GABRA3: variants seen among roughly 807,000 people sequenced by gnomAD.
GABRA3 encodes gamma-aminobutyric acid type A receptor subunit alpha3, also known as gamma-aminobutyric acid receptor subunit alpha-3.
Under a neutral mutation model 30.1 loss-of-function variants are expected in GABRA3, and 10 were observed. The observed-to-expected ratio is 0.33, with a 90% CI of 0.20 to 0.56. GABRA3 has a LOEUF of 0.56. Ranked by LOEUF, GABRA3 falls within the 20% of genes least tolerant of loss-of-function variation. The pLI is 0.89. For missense variants in GABRA3, 233 were observed against 392.0 expected (o/e 0.59, Z 3.42); for synonymous variants, 151 against 146.8 (o/e 1.03, Z -0.21).
chrX:152,341,001 T>C (rs76381808), intron 3 of GABRA3, among the ~76,000 whole-genome samples: 2,343 of 111,389 alleles, frequency 0.021, 52 homozygotes, highest in East Asian at 0.12. Flanking sequence ...ACCCAATATG[T>C]ACTTTTTTAT....
At chrX:152,291,056 T>C (rs1397474890) in intron 3 of GABRA3, among the ~76,000 whole-genome samples, 1 of 111,840 alleles carries the variant, frequency 8.9e-6, no homozygotes, top group African/African-American at 3.3e-5. Context: ...GTGAAGAAAG[T>C]CATTGGTAAC....
At chrX:152,204,418 G>A (rs1207501319) in intron 7 of GABRA3, among the ~76,000 whole-genome samples, 1 of 111,125 alleles carries the variant, frequency 9.0e-6, no homozygotes, top group Non-Finnish European at 1.9e-5. Flanking sequence ...GAAAGGGAGT[G>A]ATCCATGTAG....
At position 152,197,814 on chromosome X, in the gene GABRA3, G is replaced by A. The variant is rs777560852; in HGVS notation, c.779-29C>T. 4 of 1,131,405 alleles carry A rather than the reference G, an allele frequency of 3.5e-6. No individual in the cohort carries two copies. In the Admixed American group the frequency reaches 6.9e-5, roughly 19 times the overall value. The allele number at this position is 1,131,405 out of a possible 1,213,427, so 93.2% of individuals were successfully genotyped here. A position where few individuals can be genotyped will look rare whatever the true frequency, so the allele number is the denominator to read the frequency against. The stretch of plus-strand genomic sequence containing the variant: ...AAGAGAGAGTAAAATTAGGCAGTAT[G>A]TAGCTACATAAACATTGCTAAATCA... On this transcript the variant is annotated intron_variant, in intron 7 of 9. Transcript: ENST00000370314.
At chrX:152,237,374 T>G (rs1938245481) in intron 5 of GABRA3, among the ~76,000 whole-genome samples, 1 of 106,860 alleles carries the variant, frequency 9.4e-6, no homozygotes, top group African/African-American at 3.5e-5. Flanking sequence ...TTGGTACCAG[T>G]ACCATGCTGT....
intron 4 of GABRA3, among the ~76,000 whole-genome samples, chrX:152,283,048 C>T (rs1222995581): frequency 1.8e-5 from 2 of 111,393 alleles, no homozygotes; most frequent in African/African-American, 3.3e-5. Flanking sequence ...GCTGTGAGAT[C>T]TCTGAATATA....
chrX:152,230,597 T>G (rs761438461), intron 5 of GABRA3, among the ~76,000 whole-genome samples: 1 of 111,121 alleles, frequency 9.0e-6, no homozygotes, highest in East Asian at 2.8e-4. Context: ...GGTGCAGTTT[T>G]GGCCTAAATA....
At chrX:152,215,634 A>C (rs919630408) in intron 6 of GABRA3, among the ~76,000 whole-genome samples, 13 of 111,531 alleles carry the variant, frequency 1.2e-4, no homozygotes, top group African/African-American at 4.2e-4. Context: ...ACCCAATGCT[A>C]TAAAATTACT....
intron 6 of GABRA3, among the ~76,000 whole-genome samples, chrX:152,224,024 G>A (rs1603215858): frequency 9.0e-6 from 1 of 111,542 alleles, no homozygotes; most frequent in Middle Eastern, 4.6e-3. Context: ...ACTAATGATT[G>A]AGGAAACATG....
intron 5 of GABRA3, among the ~76,000 whole-genome samples, chrX:152,239,365 G>T (rs1174202335): frequency 9.5e-6 from 1 of 105,779 alleles, no homozygotes; most frequent in Non-Finnish European, 1.9e-5. Flanking sequence ...GAGATAGTTT[G>T]TTATCATTTC....
chrX:152,207,871 T>C, intron 7 of GABRA3, 130 bp downstream of exon 7: 1 of 649,136 alleles, frequency 1.5e-6, no homozygotes, highest in Admixed American at 3.7e-5. Context: ...ATATACTCAG[T>C]TTTCTCATGA....
intron 1 of GABRA3, among the ~76,000 whole-genome samples, chrX:152,445,521 G>T (rs1423398209): frequency 9.0e-6 from 1 of 111,275 alleles, no homozygotes; most frequent in Non-Finnish European, 1.9e-5. Flanking sequence ...AAAATGGAAG[G>T]TGCATTTCAA....
chrX:152,278,621 A>C (rs1939137130), intron 4 of GABRA3, among the ~76,000 whole-genome samples: 1 of 111,364 alleles, frequency 9.0e-6, no homozygotes, highest in South Asian at 3.8e-4. Flanking sequence ...TTGGGTATAT[A>C]CCCAGTAATG....
At chrX:152,450,154 C>A (rs1306501921) in intron 1 of GABRA3, among the ~76,000 whole-genome samples, 2 of 110,539 alleles carry the variant, frequency 1.8e-5, no homozygotes, top group Non-Finnish European at 3.8e-5. Context: ...CCAGAACTTG[C>A]TGACTCTCAA....
chrX:152,414,426 C>T (rs998732509), intron 1 of GABRA3, among the ~76,000 whole-genome samples: 1 of 110,981 alleles, frequency 9.0e-6, no homozygotes, highest in Non-Finnish European at 1.9e-5. Flanking sequence ...AACAAGCATA[C>T]GATAAGATTC....
chrX:152,221,745 T>G (rs2124378837), intron 6 of GABRA3, among the ~76,000 whole-genome samples: 1 of 111,898 alleles, frequency 8.9e-6, no homozygotes, highest in South Asian at 3.7e-4. Flanking sequence ...AGTTCAGGGG[T>G]ACATATGCAG....
intron 9 of GABRA3, among the ~76,000 whole-genome samples, chrX:152,173,764 C>A (rs183868976): frequency 2.0e-3 from 216 of 110,307 alleles, no homozygotes; most frequent in African/African-American, 6.5e-3. Flanking sequence ...GCCACCGCGC[C>A]TGGCTAATTT....
rs1210728032 is a variant in GABRA3, at chrX:152,368,614, C to G, written c.-26-4018G>C. Among the ~76,000 whole-genome samples, 5 of 110,313 alleles carry G rather than the reference C, an allele frequency of 4.5e-5. No homozygotes were observed. In the Admixed American group the frequency reaches 4.8e-4, roughly 11 times the overall value. On this transcript the variant is annotated intron_variant, in intron 1 of 9. Transcript: ENST00000370314. Reference sequence around the variant, plus strand: ...TGCATTAACATGGAAGTGCATATATCTCTTCAACATACTAATTTAATATCC... The same window carrying G: ...TGCATTAACATGGAAGTGCATATATGTCTTCAACATACTAATTTAATATCC...
intron 1 of GABRA3, among the ~76,000 whole-genome samples, chrX:152,448,615 C>T (rs1311585322): frequency 1.8e-5 from 2 of 111,870 alleles, no homozygotes; most frequent in Non-Finnish European, 3.8e-5. Flanking sequence ...ATTGTATCCC[C>T]TCAGTGATGT....
chrX:152,336,089 T>C (rs1458652177), intron 3 of GABRA3, among the ~76,000 whole-genome samples: 3 of 111,319 alleles, frequency 2.7e-5, no homozygotes, highest in South Asian at 7.6e-4. Flanking sequence ...GGAACAAATA[T>C]TGGTCCCCAA....
Sources: allele counts gnomAD v4.1 joint callset (sites outside exome capture counted in the v4.1 genomes callset), GRCh38; gene constraint gnomAD v4.1.1; transcripts MANE v1.5; gene names NCBI Gene and HGNC (gene_info 2026-07-23, HGNC 2026-07-21).